The following DACH1 variants were observed in gnomAD, a reference collection of about 807,000 sequenced individuals.
DACH1 encodes dachshund family transcription factor 1.
Under a neutral mutation model 54.2 loss-of-function variants are expected in DACH1, and 12 were observed. The ratio of observed to expected loss-of-function variants is 0.22; its 90% CI spans 0.14 to 0.36. DACH1 has a LOEUF of 0.36. DACH1 is among the 10% of genes least tolerant of loss of function. The pLI is 1.00. For synonymous variants in DACH1, 386 were observed against 366.2 expected, an observed-to-expected ratio of 1.05 and a Z score of -0.62; for missense variants, 805 against 929.8, an observed-to-expected ratio of 0.87 and a Z score of 1.75.
intron 3 of DACH1, among the ~76,000 whole-genome samples, chr13:71,626,516 C>CA (rs1041012917): frequency 7.9e-5 from 12 of 151,218 alleles, no homozygotes; most frequent in South Asian, 6.3e-4. Context: ...GTCCTTAAAG[C>CA]AAAAAAAATA....
rs146272603 is a variant in DACH1 at position 71,774,894 on chromosome 13, T to C, written c.848+91028A>G. 5.5e-3 allele frequency among the ~76,000 whole-genome samples: 840 copies of C among 152,208 alleles called. 3 individuals are homozygous for C. The highest frequency in any genetic ancestry group is 0.016 in the African/African-American group (677 of 41,546). On this transcript the variant is annotated intron_variant, in intron 1 of 10. Transcript: ENST00000613252. ...ACACAGGCCATTGTTAGAAAGATCA[T>C]TGTTCCTAGGTCTTTACAAACATAT...
At chr13:71,793,621 C>T (rs766821216) in intron 1 of DACH1, among the ~76,000 whole-genome samples, 2 of 152,140 alleles carry the variant, frequency 1.3e-5, no homozygotes, top group African/African-American at 4.8e-5. Flanking sequence ...GCCTCCACTT[C>T]CTGGCTGCAA....
intron 1 of DACH1, among the ~76,000 whole-genome samples, chr13:71,764,886 T>A (rs1376666739): frequency 6.6e-6 from 1 of 152,214 alleles, no homozygotes; most frequent in East Asian, 1.9e-4. Flanking sequence ...TTTAAAACAA[T>A]GTAATTTATT....
intron 1 of DACH1, among the ~76,000 whole-genome samples, chr13:71,822,697 T>C (rs1340061805): frequency 6.6e-6 from 1 of 152,186 alleles, no homozygotes; most frequent in Non-Finnish European, 1.5e-5. Context: ...TTAGACACCA[T>C]AGTTTAAGGG....
chr13:71,557,281 T>C lies in DACH1; in HGVS notation c.1436-123A>G, dbSNP rs1174519721. 4 of 652,418 alleles carry C rather than the reference T, an allele frequency of 6.1e-6. No individual in the cohort carries two copies. In the African/African-American group the frequency reaches 7.5e-5, roughly 12 times the overall value. 40.4% of individuals were successfully genotyped at this position (652,418 alleles called of 1,614,324 possible). A position where few individuals can be genotyped will look rare whatever the true frequency, so the allele number is the denominator to read the frequency against. ...TAACTATAATATTAATATAATGGTC[T>C]ACCTTTAAATTTATAATCTATCCCT... On this transcript the variant is annotated intron_variant, in intron 5 of 10. Coordinates refer to ENST00000613252, the MANE Select transcript of DACH1 (RefSeq NM_080759.6).
chr13:71,765,161 G>C (rs891032218), intron 1 of DACH1, among the ~76,000 whole-genome samples: 2 of 152,098 alleles, frequency 1.3e-5, no homozygotes, highest in African/African-American at 4.8e-5. Flanking sequence ...CCATGAATTT[G>C]TTATCTTTTT....
In DACH1 at chr13:71,706,037, A is replaced by T. The variant is rs1395307763; in HGVS notation, c.849-24127T>A. 7.2e-5 allele frequency among the ~76,000 whole-genome samples: 11 copies of T among 152,020 alleles called. 1 individual carries two copies. Among genetic ancestry groups the T allele is most frequent in the Admixed American group, 7.2e-4 (11 of 15,258 alleles). On this transcript the variant is annotated intron_variant, in intron 1 of 10. Coordinates refer to ENST00000613252, the MANE Select transcript of DACH1 (RefSeq NM_080759.6). ...TTATCAATCAAGAAATCTAGTGATC[A>T]AAACCTTGTCATCATAAATATTCTC... is the stretch of plus-strand genomic sequence containing the variant.
At chr13:71,547,918 A>T (rs1883562219) in intron 6 of DACH1, among the ~76,000 whole-genome samples, 1 of 152,154 alleles carries the variant, frequency 6.6e-6, no homozygotes, top group South Asian at 2.1e-4. Flanking sequence ...AGCACAAGAA[A>T]CAACAGGGGT....
chr13:71,728,815 C>T (rs1883602116), intron 1 of DACH1, among the ~76,000 whole-genome samples: 1 of 151,862 alleles, frequency 6.6e-6, no homozygotes. Flanking sequence ...TTATTCTATC[C>T]AAGTAATGTG....
intron 4 of DACH1, among the ~76,000 whole-genome samples, chr13:71,567,766 T>C (rs78043497): frequency 6.6e-6 from 1 of 152,034 alleles, no homozygotes; most frequent in Admixed American, 6.6e-5. Flanking sequence ...ATCCAAGTAG[T>C]CTTTTTTCAG....
intron 1 of DACH1, among the ~76,000 whole-genome samples, chr13:71,848,213 C>G (rs994222874): frequency 1.6e-5 from 2 of 122,594 alleles, no homozygotes; most frequent in Non-Finnish European, 3.1e-5. Context: ...TTATCCCCCC[C>G]CAAAAAAATG....
chr13:71,712,754 A>G (rs897831066), intron 1 of DACH1, among the ~76,000 whole-genome samples: 3 of 152,084 alleles, frequency 2.0e-5, no homozygotes, highest in Admixed American at 1.3e-4. Context: ...ACTTATTTCA[A>G]CCTATTTAGT....
intron 6 of DACH1, among the ~76,000 whole-genome samples, chr13:71,527,405 G>C (rs1191303547): frequency 6.6e-6 from 1 of 152,020 alleles, no homozygotes; most frequent in Non-Finnish European, 1.5e-5. Context: ...TGCAACTTCG[G>C]AGCAACTTGG....
At chr13:71,532,173 A>C (rs1882461428) in intron 6 of DACH1, among the ~76,000 whole-genome samples, 1 of 151,986 alleles carries the variant, frequency 6.6e-6, no homozygotes, top group African/African-American at 2.4e-5. Context: ...GATTTCCATC[A>C]TTTTGAAAAG....
chr13:71,795,609 G>C (rs9572789), intron 1 of DACH1, among the ~76,000 whole-genome samples: 1 of 152,034 alleles, frequency 6.6e-6, no homozygotes, highest in Non-Finnish European at 1.5e-5. Context: ...TATAATGTCT[G>C]ATATAGGGCA....
chr13:71,456,506 T>C (rs1030417333), intron 10 of DACH1, among the ~76,000 whole-genome samples: 1 of 152,062 alleles, frequency 6.6e-6, no homozygotes, highest in African/African-American at 2.4e-5. Context: ...CATTATGAAT[T>C]TAAGGAATTC....
At chr13:71,818,943 A>G (rs1275760344) in intron 1 of DACH1, among the ~76,000 whole-genome samples, 1 of 152,208 alleles carries the variant, frequency 6.6e-6, no homozygotes, top group Non-Finnish European at 1.5e-5. Flanking sequence ...GAATCCATCA[A>G]GGTCTCTATA....
intron 6 of DACH1, among the ~76,000 whole-genome samples, chr13:71,514,266 C>T (rs1310331698): frequency 2.0e-5 from 3 of 151,786 alleles, no homozygotes; most frequent in East Asian, 3.9e-4. Flanking sequence ...ATAGATAAGG[C>T]TAAATCTAAA....
rs541360638 is a variant in DACH1, at chr13:71,744,781, A to G, written c.849-62871T>C. ...CCATACAAAAAGGAAAGGAACTTCTATAATTGTTTTAAATTCATGAAACAT... is the reference window on the plus strand; with the variant it reads ...CCATACAAAAAGGAAAGGAACTTCTGTAATTGTTTTAAATTCATGAAACAT... On this transcript the variant is annotated intron_variant, in intron 1 of 10. Coordinates refer to ENST00000613252, the MANE Select transcript of DACH1 (RefSeq NM_080759.6). Among the ~76,000 whole-genome samples the G allele has an allele frequency of 2.0e-5, 3 of 152,354 alleles. No individual in the cohort carries two copies. The South Asian group carries it at 6.2e-4, about 32-fold the overall frequency.
Sources: gnomAD v4.1 joint callset for allele counts (sites outside exome capture counted in the v4.1 genomes callset) on GRCh38, gnomAD v4.1.1 for gene constraint, MANE v1.5 for transcripts, NCBI Gene and HGNC (gene_info 2026-07-23, HGNC 2026-07-21) for gene names.